FAM184A: variants seen among roughly 807,000 people sequenced by gnomAD.
FAM184A encodes family with sequence similarity 184 member A, also known as protein FAM184A.
FAM184A carries 99 observed loss-of-function variants against 143.8 expected under a neutral mutation model. That is an observed-to-expected ratio of 0.69 (90% CI 0.58 to 0.81). The LOEUF is 0.81. Ranked by LOEUF, FAM184A falls within the 40% of genes least tolerant of loss-of-function variation. The pLI is 0.00. For synonymous variants in FAM184A, 427 were observed against 446.4 expected (o/e 0.96, Z 0.55); for missense variants, 1,217 against 1,310.5 (o/e 0.93, Z 1.10).
At chr6:119,110,049 A>T (rs951389461) in intron 1 of FAM184A, among the ~76,000 whole-genome samples, 1 of 152,144 alleles carries the variant, frequency 6.6e-6, no homozygotes, top group African/African-American at 2.4e-5. Flanking sequence ...CACCTAACAT[A>T]AGTCTAAGTA....
chr6:119,145,062 C>A (rs1388685893), intron 1 of FAM184A, among the ~76,000 whole-genome samples: 1 of 152,216 alleles, frequency 6.6e-6, no homozygotes, highest in Non-Finnish European at 1.5e-5. Context: ...CATGGCATGT[C>A]CAGTGCTTCC....
At chr6:119,136,610 A>G (rs1034648118) in intron 1 of FAM184A, among the ~76,000 whole-genome samples, 15 of 152,226 alleles carry the variant, frequency 9.9e-5, no homozygotes, top group Admixed American at 2.0e-4. Flanking sequence ...CAACTGACCA[A>G]CCAGGCTTTG....
intron 6 of FAM184A, among the ~76,000 whole-genome samples, 180 bp from the exon 7 acceptor site, chr6:119,006,788 G>A (rs1305640705): frequency 6.6e-6 from 1 of 152,088 alleles, no homozygotes; most frequent in Non-Finnish European, 1.5e-5. Context: ...GTTTTGAAAA[G>A]ACTTTCACAT....
intron 1 of FAM184A, among the ~76,000 whole-genome samples, chr6:119,098,142 C>A (rs750390346): frequency 3.3e-5 from 5 of 152,110 alleles, no homozygotes; most frequent in Non-Finnish European, 5.9e-5. Flanking sequence ...ATACTGTACT[C>A]GTGGTAGTGA....
chr6:119,011,493 C>G, intron 5 of FAM184A, 62 bp from the exon 6 acceptor site: 1 of 1,038,490 alleles, frequency 9.6e-7, no homozygotes, highest in Non-Finnish European at 1.4e-6. Flanking sequence ...TTTGAAGACT[C>G]TAAGAAAAAG....
At position 118,984,207 on chromosome 6, in the gene FAM184A, TTATATTTATATATATTTG is replaced by T. The variant is rs1470600508; in HGVS notation, c.2089-3875_2089-3858del. On this transcript the variant is annotated intron_variant, in intron 9 of 17. Coordinates refer to ENST00000338891, the MANE Select transcript of FAM184A (RefSeq NM_024581.6). The stretch of plus-strand genomic sequence containing the variant: ...TATATATATTTATATTTATATATAT[TTATATTTATATATATTTG>T]TATATTTATATTTATATATATTTAT... Among the ~76,000 whole-genome samples the T allele has an allele frequency of 7.7e-5, 11 of 142,760 alleles. 1 individual carries two copies. The highest frequency in any genetic ancestry group is 2.9e-4 in the African/African-American group (11 of 37,972). 93.7% of individuals were successfully genotyped at this position (142,760 alleles called of 152,430 possible). A position where few individuals can be genotyped will look rare whatever the true frequency, so the allele number is the denominator to read the frequency against.
intron 5 of FAM184A, among the ~76,000 whole-genome samples, 179 bp downstream of exon 5, chr6:119,016,568 A>G (rs1389981229): frequency 6.6e-6 from 1 of 151,980 alleles, no homozygotes; most frequent in East Asian, 1.9e-4. Flanking sequence ...CTCCGAACAC[A>G]TCTGAACATC....
chr6:119,147,671 A>T (rs1198501347), intron 1 of FAM184A, among the ~76,000 whole-genome samples: 2 of 152,192 alleles, frequency 1.3e-5, no homozygotes, highest in African/African-American at 4.8e-5. Context: ...TCTGGTGACA[A>T]TCCAGGAAGC....
rs1450298889 is a variant in FAM184A at position 119,112,383 on chromosome 6, C to T, written c.-202+36695G>A. 4.6e-5 allele frequency among the ~76,000 whole-genome samples: 7 copies of T among 152,292 alleles called. No individual in the cohort carries two copies. The East Asian group carries it at 1.3e-3, about 29-fold the overall frequency. The stretch of plus-strand genomic sequence containing the variant: ...CCTCAGGTGATCCGCCTGCCTGGGC[C>T]TCCCAAAGTGCTGGGATTACAGGCG... On this transcript the variant is annotated intron_variant, in intron 1 of 16. Coordinates refer to the FAM184A transcript ENST00000352896.
chr6:119,023,918 G>GA (rs778458770), intron 2 of FAM184A, 41 bp downstream of exon 2: 30 of 1,486,200 alleles, frequency 2.0e-5, no homozygotes, highest in South Asian at 7.4e-5. Context: ...ATTTTTAAAA[G>GA]AAAAAAAATC....
intron 1 of FAM184A, among the ~76,000 whole-genome samples, chr6:119,106,619 C>T (rs551569079): frequency 1.3e-3 from 197 of 152,280 alleles, no homozygotes; most frequent in Non-Finnish European, 2.2e-3. Context: ...CTCAGTATAA[C>T]TACTTAATTG....
chr6:118,988,511 G>C (rs1784260669), intron 9 of FAM184A, among the ~76,000 whole-genome samples: 1 of 152,162 alleles, frequency 6.6e-6, no homozygotes, highest in Admixed American at 6.5e-5. Context: ...CTTTGCTGTA[G>C]GTTCACGGAG....
At chr6:118,990,131 C>A (rs1784331090) in intron 9 of FAM184A, among the ~76,000 whole-genome samples, 1 of 152,140 alleles carries the variant, frequency 6.6e-6, no homozygotes, top group South Asian at 2.1e-4. Flanking sequence ...CAGCCAACAT[C>A]TTTTTATTTC....
chr6:119,045,783 A>G (rs1786507617), intron 1 of FAM184A, among the ~76,000 whole-genome samples: 1 of 152,066 alleles, frequency 6.6e-6, no homozygotes, highest in African/African-American at 2.4e-5. Flanking sequence ...CTTCTTAAAT[A>G]CAATAAAGCC....
At chr6:119,060,173 G>A (rs112289875) in intron 1 of FAM184A, among the ~76,000 whole-genome samples, 2,905 of 152,268 alleles carry the variant, frequency 0.019, 97 homozygotes, top group African/African-American at 0.065. Flanking sequence ...CTAGATGACC[G>A]TGTCATCTCA....
In FAM184A at chr6:118,973,831, G is replaced by A. The variant is rs576471036; in HGVS notation, c.2915+597C>T. 7.9e-5 allele frequency among the ~76,000 whole-genome samples: 12 copies of A among 152,224 alleles called. 1 individual carries two copies. The highest frequency in any genetic ancestry group is 2.9e-4 in the African/African-American group (12 of 41,542). ...TAACAATACTGTAGTTACTATGTATGAGCGGTAACTTTATTTGTAATGTTT... is the reference window on the plus strand; with the variant it reads ...TAACAATACTGTAGTTACTATGTATAAGCGGTAACTTTATTTGTAATGTTT... On this transcript the variant is annotated intron_variant, in intron 14 of 17. Transcript: ENST00000338891.
At chr6:118,994,428 T>C (rs186440821) in intron 9 of FAM184A, among the ~76,000 whole-genome samples, 11 of 152,040 alleles carry the variant, frequency 7.2e-5, no homozygotes, top group African/African-American at 2.7e-4. Flanking sequence ...GGCTCACACC[T>C]GTAATCCCAG....
At chr6:119,134,014 C>A (rs1562163839) in intron 1 of FAM184A, among the ~76,000 whole-genome samples, 1 of 151,544 alleles carries the variant, frequency 6.6e-6, no homozygotes, top group East Asian at 2.0e-4. Flanking sequence ...CACAAAAGTG[C>A]AAAATACACA....
At chr6:119,035,844 T>C (rs1423067055) in intron 1 of FAM184A, among the ~76,000 whole-genome samples, 14 of 152,176 alleles carry the variant, frequency 9.2e-5, no homozygotes, top group Non-Finnish European at 1.9e-4. Flanking sequence ...GGAACAAACG[T>C]ACATCTTACG....
Sources: allele counts gnomAD v4.1 joint callset (sites outside exome capture counted in the v4.1 genomes callset), GRCh38; gene constraint gnomAD v4.1.1; transcripts MANE v1.5; gene names NCBI Gene and HGNC (gene_info 2026-07-23, HGNC 2026-07-21).